The following GNB2 variants were observed in gnomAD, a reference collection of about 807,000 sequenced individuals.
GNB2 encodes G protein subunit beta 2.
In GNB2, 7 loss-of-function variants were observed where a neutral mutation model predicts 40.7. The ratio of observed to expected loss-of-function variants is 0.17; its 90% confidence interval spans 0.10 to 0.32. The LOEUF (loss-of-function observed/expected upper bound fraction) is 0.32, where lower values mean the gene tolerates loss of function less well. Ranked by LOEUF, GNB2 falls within the 10% of genes least tolerant of loss-of-function variation. GNB2 has a pLI of 1.00. For missense variants in GNB2, 286 were observed against 473.0 expected (o/e 0.60, Z 3.67); for synonymous variants, 254 against 191.2 (o/e 1.33, Z -2.71).
chr7:100,677,100 C>G (rs1026452168), intron 4 of GNB2: 25 of 593,746 alleles, frequency 4.2e-5, no homozygotes, highest in Non-Finnish European at 7.2e-5. Flanking sequence ...ATAGTGAGAC[C>G]CTGGCTCTAC....
In GNB2 at chr7:100,676,865, G is replaced by C. The variant is rs572501424; in HGVS notation, c.203+66G>C. On this transcript the variant is annotated intron_variant, in intron 4 of 9. Transcript: ENST00000303210. ...CTAGCAGGCCGTGGGAGCAGCCTCAGATCTGGCGGAGTAAGCAGGCCACCA... is the reference window on the plus strand; with the variant it reads ...CTAGCAGGCCGTGGGAGCAGCCTCACATCTGGCGGAGTAAGCAGGCCACCA... The C allele has an allele frequency of 8.5e-5, 80 of 939,840 alleles. No individual in the cohort carries two copies. In the African/African-American group the frequency reaches 1.2e-3, roughly 14 times the overall value. The allele number at this position is 939,840 out of a possible 1,614,324, so 58.2% of individuals were successfully genotyped here.
In GNB2 at chr7:100,678,389, G is replaced by A. The variant is rs1001964230; in HGVS notation, c.700-9G>A. ...CACCCTCACCCCATCTGGGTCCCGT[G>A]TCCTGCAGTTCTTCCCCAACGGCTA... On this transcript the variant is annotated splice_polypyrimidine_tract_variant and intron_variant, in intron 8 of 9. Transcript: ENST00000303210. 8 of 1,611,680 alleles carry A rather than the reference G, an allele frequency of 5.0e-6. No individual in the cohort carries two copies. Among genetic ancestry groups the A allele is most frequent in the African/African-American group, 1.3e-5 (1 of 74,890 alleles).
In GNB2 at chr7:100,678,900, C is replaced by T. The variant is rs371175419; in HGVS notation, c.*99C>T. 236 of 927,050 alleles carry T rather than the reference C, an allele frequency of 2.5e-4. No homozygotes were observed. The East Asian group carries it at 2.9e-3, about 11-fold the overall frequency. 57.4% of individuals were successfully genotyped at this position (927,050 alleles called of 1,614,324 possible). On this transcript the variant is annotated 3_prime_UTR_variant, in exon 10 of 10. Coordinates refer to ENST00000303210, the MANE Select transcript of GNB2 (RefSeq NM_005273.4). Reference sequence around the variant, plus strand: ...CTGGCGCAATCCCAGCCCCCTTCCCCGGGCCACGGGGCCTTGGGTCCCTGC... The same window carrying T: ...CTGGCGCAATCCCAGCCCCCTTCCCTGGGCCACGGGGCCTTGGGTCCCTGC...
At chr7:100,677,324 C>G (rs989411006) in intron 4 of GNB2, 28 bp from the exon 5 acceptor site, 2 of 1,598,026 alleles carry the variant, frequency 1.3e-6, no homozygotes, top group East Asian at 2.2e-5. Context: ...CGCCACCCTT[C>G]TGCTCTCCCT....
chr7:100,677,545 C>T lies in GNB2; in HGVS notation c.315C>T (p.Tyr105=), dbSNP rs778851997. 16 of 1,613,378 alleles carry T rather than the reference C, an allele frequency of 9.9e-6. No homozygotes were observed. Among genetic ancestry groups the T allele is most frequent in the East Asian group, 6.7e-5 (3 of 44,902 alleles). The change falls in exon 6 of 10, where the codon TAC becomes TAT. Residue 105 remains tyrosine, a synonymous_variant. Transcript: ENST00000303210. ...LRSSWVMTCA[Y]APSGNFVACG... is the part of the protein sequence containing the mutation. The stretch of plus-strand genomic sequence containing the variant: ...CCTCCTGGGTAATGACCTGTGCCTA[C>T]GCGCCCTCAGGGAACTTTGTGGCCT...
intron 1 of GNB2, chr7:100,675,407 C>G (rs1804326722): frequency 6.6e-6 from 1 of 151,912 alleles, no homozygotes; most frequent in African/African-American, 2.4e-5. Context: ...CGGCGGACGG[C>G]TAATGGGGCG....
chr7:100,675,582 G>A (rs1333243715), intron 1 of GNB2: 2 of 152,106 alleles, frequency 1.3e-5, no homozygotes, highest in Non-Finnish European at 1.5e-5. Context: ...CACCCTACAG[G>A]TCTCTGCCGT....
Position 100,678,174 on chromosome 7 carries a change from C to G in GNB2, c.574C>G (p.Leu192Val). The G allele has an allele frequency of 6.2e-7, 1 of 1,614,070 alleles. No homozygotes were observed. The highest frequency in any genetic ancestry group is 8.5e-7 in the Non-Finnish European group (1 of 1,179,864). Residue 192 changes from leucine (L) to valine (V), a missense_variant, in exon 8 of 10, where the codon CTG becomes GTG. Transcript: ENST00000303210. The part of the protein sequence containing the change: ...GHSGDVMSLS[L>V]APDGRTFVSG... ...CAGTGGGGATGTGATGTCCCTGTCC[C>G]TGGCCCCCGATGGCCGCACGTTTGT...
chr7:100,677,435 G>T lies in GNB2; in HGVS notation c.267+20G>T, dbSNP rs754585681. ...AACAAGGTAGGGTGGCGCGGGCTGC[G>T]GGGTGGGGCAGGGCCACAGGGCCCT... On this transcript the variant is annotated intron_variant, in intron 5 of 9. Coordinates refer to ENST00000303210, the MANE Select transcript of GNB2 (RefSeq NM_005273.4). 4 of 1,613,400 alleles carry T rather than the reference G, an allele frequency of 2.5e-6. No individual in the cohort carries two copies. In the East Asian group the frequency reaches 6.7e-5, roughly 27 times the overall value.
Position 100,676,211 on chromosome 7 carries a change from G to C in GNB2, c.-55G>C. ...CAGCGGCCAGGAGCTGCCTCCCCCA[G>C]CCCCCGTCCCGCGGCCCCCAGCCGC... On this transcript the variant is annotated 5_prime_UTR_variant, in exon 2 of 10. Transcript: ENST00000303210. 1 of 1,071,564 alleles carries C rather than the reference G, an allele frequency of 9.3e-7. No individual in the cohort carries two copies. The highest frequency in any genetic ancestry group is 2.6e-5 in the East Asian group (1 of 38,964). 66.4% of individuals were successfully genotyped at this position (1,071,564 alleles called of 1,614,324 possible).
At position 100,678,735 on chromosome 7, in the gene GNB2, G is replaced by A. The variant is rs1804423959; in HGVS notation, c.957G>A (p.Gly319=). ...AGHDNRVSCL[G]VTDDGMAVAT... ...ACGACAACCGCGTGAGCTGCCTCGG[G>A]GTCACCGACGATGGCATGGCTGTGG... Residue 319 remains glycine (G), a synonymous_variant, in exon 10 of 10, where the codon GGG becomes GGA. Transcript: ENST00000303210. 1.2e-6 allele frequency: 2 copies of A among 1,613,794 alleles called. No homozygotes were observed. The highest frequency in any genetic ancestry group is 2.2e-5 in the South Asian group (2 of 91,078).
At chr7:100,676,615 G>C in intron 3 of GNB2, 42 bp downstream of exon 3, 1 of 1,581,918 alleles carries the variant, frequency 6.3e-7, no homozygotes, top group Non-Finnish European at 8.7e-7. Context: ...GGGGTTGAAG[G>C]GGCAAGGATC....
At chr7:100,677,453 A>G (rs928851080) in intron 5 of GNB2, 38 bp downstream of exon 5, 11 of 1,612,030 alleles carry the variant, frequency 6.8e-6, no homozygotes, top group Non-Finnish European at 7.6e-6. Flanking sequence ...GCAGGGCCAC[A>G]GGGCCCTGGC....
At position 100,679,047 on chromosome 7, in the gene GNB2, C is replaced by A. The variant is rs995270428; in HGVS notation, c.*246C>A. ...CTGCTGCCCTGGGGTTGGGGCCTCA[C>A]CCCTCTGGAGGGCCGGAGGCAGGAG... On this transcript the variant is annotated 3_prime_UTR_variant, in exon 10 of 10. Transcript: ENST00000303210. The A allele has an allele frequency of 7.9e-6, 4 of 507,170 alleles. No individual in the cohort carries two copies. Among genetic ancestry groups the A allele is most frequent in the Non-Finnish European group, 1.4e-5 (4 of 285,870 alleles). The allele number at this position is 507,170 out of a possible 1,614,324, so 31.4% of individuals were successfully genotyped here. A position where few individuals can be genotyped will look rare whatever the true frequency, so the allele number is the denominator to read the frequency against.
In GNB2 at chr7:100,673,815, GCGCCGCCGCCGCCGCCGC is replaced by G. The variant is rs374292503; in HGVS notation, c.-178_-161del. 62 of 178,236 alleles carry G rather than the reference GCGCCGCCGCCGCCGCCGC, an allele frequency of 3.5e-4. No homozygotes were observed. Among genetic ancestry groups the G allele is most frequent in the African/African-American group, 6.8e-4 (27 of 39,788 alleles). 11.0% of individuals were successfully genotyped at this position (178,236 alleles called of 1,614,324 possible). A position where few individuals can be genotyped will look rare whatever the true frequency, so the allele number is the denominator to read the frequency against. On this transcript the variant is annotated 5_prime_UTR_variant, in exon 1 of 10. Coordinates refer to ENST00000303210, the MANE Select transcript of GNB2 (RefSeq NM_005273.4). ...CTGGGGCCACTGAGGAAATCCATCC[GCGCCGCCGCCGCCGCCGC>G]CGCCGCCGCCGCCGCCGCCTCCGCC... is the stretch of plus-strand genomic sequence containing the variant.
Position 100,678,178 on chromosome 7 carries a change from C to T in GNB2, c.578C>T (p.Ala193Val). The T allele has an allele frequency of 6.2e-7, 1 of 1,613,320 alleles. No homozygotes were observed. Among genetic ancestry groups the T allele is most frequent in the Non-Finnish European group, 8.5e-7 (1 of 1,179,236 alleles). The change falls in exon 8 of 10, where the codon GCC becomes GTC. Residue 193 changes from alanine to valine, a missense_variant. By Grantham distance (64) the Ala-to-Val change is moderately conservative. Transcript: ENST00000303210. ...HSGDVMSLSL[A>V]PDGRTFVSGA... The stretch of plus-strand genomic sequence containing the variant: ...GGGGATGTGATGTCCCTGTCCCTGG[C>T]CCCCGATGGCCGCACGTTTGTGTCA...
At position 100,677,540 on chromosome 7, in the gene GNB2, G is replaced by A. The variant is rs763578749; in HGVS notation, c.310G>A (p.Ala104Thr). 2 of 1,613,546 alleles carry A rather than the reference G, an allele frequency of 1.2e-6. No homozygotes were observed. The highest frequency in any genetic ancestry group is 3.3e-5 in the Admixed American group (2 of 60,028). The change falls in exon 6 of 10, where the codon GCC becomes ACC. Residue 104 changes from alanine (A) to threonine (T), a missense_variant. Ala to Thr is a moderately conservative substitution (Grantham distance 58). Transcript: ENST00000303210. ...PLRSSWVMTC[A>T]YAPSGNFVAC... is the part of the protein sequence containing the mutation. The stretch of plus-strand genomic sequence containing the variant: ...GCGCTCCTCCTGGGTAATGACCTGT[G>A]CCTACGCGCCCTCAGGGAACTTTGT...
intron 1 of GNB2, among the ~76,000 whole-genome samples, chr7:100,674,194 C>T (rs1302580360): frequency 2.0e-5 from 3 of 152,068 alleles, no homozygotes; most frequent in African/African-American, 4.8e-5. Flanking sequence ...CCTCTTGCTC[C>T]CTCGGAAGTT....
chr7:100,678,029 G>T (rs1223689519), intron 7 of GNB2, 69 bp from the exon 8 acceptor site: 3 of 1,339,398 alleles, frequency 2.2e-6, no homozygotes, highest in Non-Finnish European at 3.2e-6. Flanking sequence ...ACGTGGTGGG[G>T]CGGGGAGAAC....
Sources: gnomAD v4.1 joint callset for allele counts (sites outside exome capture counted in the v4.1 genomes callset) on GRCh38, gnomAD v4.1.1 for gene constraint, MANE v1.5 for transcripts, NCBI Gene and HGNC (gene_info 2026-07-23, HGNC 2026-07-21) for gene names.